Variants in SH2D7 observed in about 807,000 individuals in gnomAD.
SH2D7 encodes SH2 domain-containing protein 7.
A neutral mutation model predicts 40.8 loss-of-function variants in SH2D7; 32 were observed. The observed-to-expected ratio is 0.78, with a 90% CI of 0.59 to 1.05. The LOEUF (loss-of-function observed/expected upper bound fraction) is 1.05, where lower values mean the gene tolerates loss of function less well. SH2D7 is among the 50% of genes least tolerant of loss of function. The probability of loss-of-function intolerance (pLI) is 0.00; values close to 1 mark genes in which losing one functional copy is unlikely to be tolerated. For missense variants in SH2D7, 559 were observed against 566.6 expected, an observed-to-expected ratio of 0.99 and a Z score of 0.14; for synonymous variants, 195 against 221.5, an observed-to-expected ratio of 0.88 and a Z score of 1.06.
Position 78,097,976 on chromosome 15 carries a change from G to GAGA in SH2D7, c.314_315insAGA (p.Arg105_Arg106insGlu). The GAGA allele has an allele frequency of 6.2e-7, 1 of 1,611,182 alleles. No individual in the cohort carries two copies. The highest frequency in any genetic ancestry group is 1.1e-5 in the South Asian group (1 of 90,618). On this transcript the variant is annotated inframe_insertion, in exon 3 of 6. Coordinates refer to ENST00000328828, the MANE Select transcript of SH2D7 (RefSeq NM_001101404.2). ...TTTGTCATCAACCAGCTTCGAAACCGGCGTTACATCATCTCAGGAGACACC... is the reference window on the plus strand; with the variant it reads ...TTTGTCATCAACCAGCTTCGAAACCGAGAGCGTTACATCATCTCAGGAGACACC...
Position 78,101,203 on chromosome 15 carries a change from G to A in SH2D7, c.950G>A (p.Cys317Tyr), listed in dbSNP as rs1488821691. The part of the protein sequence containing the change: ...GPTESPTSWG[C>Y]SDAMGSLGAT... ...ACAGAGTCTCCCACTTCCTGGGGATGTTCTGATGCCATGGGATCCCTGGGG... is the reference window on the plus strand; with the variant it reads ...ACAGAGTCTCCCACTTCCTGGGGATATTCTGATGCCATGGGATCCCTGGGG... Residue 317 changes from cysteine to tyrosine, a missense_variant, in exon 5 of 6, where the codon TGT becomes TAT. By Grantham distance (194) the Cys-to-Tyr change is radical. Transcript: ENST00000328828. 6.3e-7 allele frequency: 1 copy of A among 1,597,496 alleles called. No homozygotes were observed. The highest frequency in any genetic ancestry group is 1.1e-5 in the South Asian group (1 of 89,004).
At chr15:78,090,623 C>CCATCATCACCAT (rs1555424235), upstream of SH2D7, among the ~76,000 whole-genome samples, 2 of 146,340 alleles carry the variant, frequency 1.4e-5, no homozygotes, top group Non-Finnish European at 3.0e-5. Flanking sequence ...TCTTGCATCA[C>CCATCATCACCAT]CATCATCATC....
At chr15:78,097,173 A>G (rs1596340478) in intron 2 of SH2D7, among the ~76,000 whole-genome samples, 1 of 152,378 alleles carries the variant, frequency 6.6e-6, no homozygotes. Flanking sequence ...AGACTAATCT[A>G]TGCTGATAGG....
At chr15:78,093,710 A>G (rs550846163) in intron 1 of SH2D7, among the ~76,000 whole-genome samples, 1 of 152,352 alleles carries the variant, frequency 6.6e-6, no homozygotes, top group East Asian at 1.9e-4. Context: ...CACTGTACAC[A>G]GTGGTTCTGA....
rs374728636 is a variant in SH2D7, at chr15:78,097,229, C to T, written c.267-700C>T. Among the ~76,000 whole-genome samples, 33 of 152,276 alleles carry T rather than the reference C, an allele frequency of 2.2e-4. No homozygotes were observed. The South Asian group carries it at 4.4e-3, about 20-fold the overall frequency. On this transcript the variant is annotated intron_variant, in intron 2 of 5. Transcript: ENST00000328828. ...TTAGGGGGCATTGACTGGATGGGAGCGCAAGTAGGTCTTCTGGGGGCTGGA... is the reference window on the plus strand; with the variant it reads ...TTAGGGGGCATTGACTGGATGGGAGTGCAAGTAGGTCTTCTGGGGGCTGGA...
At chr15:78,099,788 C>A (rs1401885918) in intron 4 of SH2D7, among the ~76,000 whole-genome samples, 1 of 152,090 alleles carries the variant, frequency 6.6e-6, no homozygotes, top group Non-Finnish European at 1.5e-5. Context: ...TCATTGGCTT[C>A]TTTGGCCTTC....
chr15:78,098,661 C>T (rs1414498578), intron 4 of SH2D7, 65 bp downstream of exon 4: 32 of 1,533,408 alleles, frequency 2.1e-5, no homozygotes, highest in Non-Finnish European at 2.7e-5. Context: ...TGCCATGCTC[C>T]CAGTCAGACC....
At position 78,092,671 on chromosome 15, in the gene SH2D7, T is replaced by A; in HGVS notation, c.87T>A (p.Leu29=). 1 of 1,582,878 alleles carries A rather than the reference T, an allele frequency of 6.3e-7. No homozygotes were observed. Among genetic ancestry groups the A allele is most frequent in the Non-Finnish European group, 8.6e-7 (1 of 1,164,914 alleles). The change falls in exon 1 of 6, where the codon CTT becomes CTA. Residue 29 remains leucine (L), a synonymous_variant. Coordinates refer to ENST00000328828, the MANE Select transcript of SH2D7 (RefSeq NM_001101404.2). ...AGGCCCTGGCTGAGCTCCAGGAGCT[T>A]GCCCTGAAGTGGTTCATGGAGACAC... is the stretch of plus-strand genomic sequence containing the variant. The part of the protein sequence containing the change: ...DSQALAELQE[L]ALKWFMETQA...
chr15:78,098,832 C>A (rs568755848), intron 4 of SH2D7, among the ~76,000 whole-genome samples: 2 of 152,348 alleles, frequency 1.3e-5, no homozygotes, highest in African/African-American at 4.8e-5. Flanking sequence ...AGCGATGTGG[C>A]TTTAGGCGAG....
At chr15:78,094,007 G>A in intron 1 of SH2D7, 105 bp from the exon 2 acceptor site, 5 of 1,140,122 alleles carry the variant, frequency 4.4e-6, no homozygotes, top group Non-Finnish European at 6.3e-6. Context: ...TGGAGGTCTG[G>A]AACCCAAAGG....
chr15:78,091,282 G>A (rs889695719), upstream of SH2D7: 7 of 152,200 alleles, frequency 4.6e-5, no homozygotes, highest in Admixed American at 3.3e-4. Context: ...CAGTCATATT[G>A]TAACAGTACC....
chr15:78,095,415 A>G (rs538673762), intron 2 of SH2D7, among the ~76,000 whole-genome samples: 2 of 152,292 alleles, frequency 1.3e-5, no homozygotes, highest in South Asian at 4.1e-4. Context: ...ACTAACTTAT[A>G]AAAGAGACCA....
Position 78,103,696 on chromosome 15 carries a change from T to C in SH2D7, c.*181T>C, listed in dbSNP as rs1418490239. On this transcript the variant is annotated 3_prime_UTR_variant, in exon 6 of 6. Transcript: ENST00000328828. The stretch of plus-strand genomic sequence containing the variant: ...GCCTGAGAGCAGGTGGAAGAGGACC[T>C]TGCAGGTGCCTGCAGCTCCTGGCTA... The C allele has an allele frequency of 1.5e-6, 1 of 674,136 alleles. No individual in the cohort carries two copies. Among genetic ancestry groups the C allele is most frequent in the African/African-American group, 1.8e-5 (1 of 55,032 alleles). 41.8% of individuals were successfully genotyped at this position (674,136 alleles called of 1,614,324 possible).
Position 78,101,211 on chromosome 15 carries a change from G to A in SH2D7, c.958G>A (p.Ala320Thr), listed in dbSNP as rs757414663. 3.1e-6 allele frequency: 5 copies of A among 1,599,388 alleles called. No homozygotes were observed. The highest frequency in any genetic ancestry group is 2.2e-5 in the East Asian group (1 of 44,758). Residue 320 changes from alanine to threonine, a missense_variant, in exon 5 of 6, where the codon GCC (alanine) becomes ACC (threonine). By Grantham distance (58) the Ala-to-Thr change is moderately conservative. Transcript: ENST00000328828. ...ESPTSWGCSD[A>T]MGSLGATWRQ... ...TCCCACTTCCTGGGGATGTTCTGAT[G>A]CCATGGGATCCCTGGGGGCTACCTG...
At chr15:78,090,772 A>ATAT (rs1361081529), upstream of SH2D7, among the ~76,000 whole-genome samples, 9 of 152,284 alleles carry the variant, frequency 5.9e-5, no homozygotes, top group East Asian at 1.3e-3. Flanking sequence ...GGTTAAGGTC[A>ATAT]TATAGCTAGT....
chr15:78,101,229 G>A lies in SH2D7; in HGVS notation c.976G>A (p.Ala326Thr). 1 of 1,602,980 alleles carries A rather than the reference G, an allele frequency of 6.2e-7. No homozygotes were observed. Among genetic ancestry groups the A allele is most frequent in the Non-Finnish European group, 8.5e-7 (1 of 1,175,628 alleles). The change falls in exon 5 of 6, where the codon GCT becomes ACT. Residue 326 changes from alanine to threonine, a missense_variant. Transcript: ENST00000328828. ...GCSDAMGSLG[A>T]TWRQEFPKLS... ...TTCTGATGCCATGGGATCCCTGGGGGCTACCTGGAGGCAGGAGTTTCCAAA... is the reference window on the plus strand; with the variant it reads ...TTCTGATGCCATGGGATCCCTGGGGACTACCTGGAGGCAGGAGTTTCCAAA...
At position 78,094,218 on chromosome 15, in the gene SH2D7, T is replaced by C; in HGVS notation, c.266+17T>C. The C allele has an allele frequency of 6.3e-7, 1 of 1,598,936 alleles. No individual in the cohort carries two copies. Among genetic ancestry groups the C allele is most frequent in the Non-Finnish European group, 8.5e-7 (1 of 1,172,694 alleles). ...GTCCTACAGGTAAGAGGGGAAGCCC[T>C]CTGGGCAAGCAAGCTCATCCTACCA... is the stretch of plus-strand genomic sequence containing the variant. On this transcript the variant is annotated intron_variant, in intron 2 of 5. Coordinates refer to ENST00000328828, the MANE Select transcript of SH2D7 (RefSeq NM_001101404.2).
intron 4 of SH2D7, among the ~76,000 whole-genome samples, chr15:78,099,713 A>C (rs575476327): frequency 6.6e-6 from 1 of 152,132 alleles, no homozygotes; most frequent in Non-Finnish European, 1.5e-5. Flanking sequence ...ACTGGGGCCC[A>C]CAAGAGCCTC....
rs1272515752 is a variant in SH2D7 at position 78,098,485 on chromosome 15, C to T, written c.534C>T (p.Pro178=). 10 of 1,613,876 alleles carry T rather than the reference C, an allele frequency of 6.2e-6. No homozygotes were observed. Among genetic ancestry groups the T allele is most frequent in the South Asian group, 3.3e-5 (3 of 91,080 alleles). The change falls in exon 4 of 6, where the codon CCC becomes CCT. Residue 178 remains proline, a synonymous_variant. Transcript: ENST00000328828. The stretch of plus-strand genomic sequence containing the variant: ...CCACGGCATTCCTCACAGTGGTCCC[C>T]GACAAGGCCGCCAGCCCCCGCTCTT... The part of the protein sequence containing the change: ...PPATAFLTVV[P]DKAASPRSSP...
Sources: allele counts gnomAD v4.1 joint callset (sites outside exome capture counted in the v4.1 genomes callset), GRCh38; gene constraint gnomAD v4.1.1; transcripts MANE v1.5; gene names NCBI Gene and HGNC (gene_info 2026-07-23, HGNC 2026-07-21).